The following CADM2 variants were observed in gnomAD, a reference collection of about 807,000 sequenced individuals.
CADM2 encodes immunoglobulin superfamily member 4D.
A neutral mutation model predicts 49.8 loss-of-function variants in CADM2; 12 were observed. The ratio of observed to expected loss-of-function variants is 0.24; its 90% CI spans 0.15 to 0.39. The LOEUF is 0.39. CADM2 is among the 10% of genes least tolerant of loss of function. The probability of loss-of-function intolerance (pLI) is 1.00; values close to 1 mark genes in which losing one functional copy is unlikely to be tolerated. For synonymous variants in CADM2, 214 were observed against 175.4 expected (o/e 1.22, Z -1.74); for missense variants, 378 against 492.3 (o/e 0.77, Z 2.20).
chr3:85,898,655 T>G (rs887093676), intron 5 of CADM2, among the ~76,000 whole-genome samples: 1 of 151,750 alleles, frequency 6.6e-6, no homozygotes, highest in African/African-American at 2.4e-5. Flanking sequence ...TCTGTTTTCT[T>G]GCTGAATAAT....
At chr3:85,586,177 A>T (rs1298566395) in intron 1 of CADM2, among the ~76,000 whole-genome samples, 1 of 152,120 alleles carries the variant, frequency 6.6e-6, no homozygotes, top group Non-Finnish European at 1.5e-5. Flanking sequence ...GTACCACAAC[A>T]GTCTGCTACA....
chr3:86,047,322 C>T (rs1243709988), intron 8 of CADM2, among the ~76,000 whole-genome samples: 1 of 152,062 alleles, frequency 6.6e-6, no homozygotes, highest in Non-Finnish European at 1.5e-5. Context: ...AGACATATTG[C>T]AATATGCCAC....
At position 85,577,024 on chromosome 3, in the gene CADM2, C is replaced by A. The variant is rs188123040; in HGVS notation, c.62-149498C>A. On this transcript the variant is annotated intron_variant, in intron 1 of 9. Transcript: ENST00000383699. ...GACAAAATTCTCCTGGATGTCAAGT[C>A]CGGAAAAATATTTGTCACTACTAAT... is the stretch of plus-strand genomic sequence containing the variant. 1.5e-3 allele frequency among the ~76,000 whole-genome samples: 229 copies of A among 152,046 alleles called. 1 individual carries two copies. The highest frequency in any genetic ancestry group is 5.0e-3 in the African/African-American group (209 of 41,472).
At position 85,886,173 on chromosome 3, in the gene CADM2, A is replaced by T; in HGVS notation, c.392-17A>T. 3 of 1,611,802 alleles carry T rather than the reference A, an allele frequency of 1.9e-6. No individual in the cohort carries two copies. The highest frequency in any genetic ancestry group is 2.5e-6 in the Non-Finnish European group (3 of 1,178,316). On this transcript the variant is annotated splice_polypyrimidine_tract_variant and intron_variant, in intron 4 of 9. Transcript: ENST00000383699. ...CCTGAAGATTGATGCTCACTTCATC[A>T]TTCGCTTAAATTTCAGGTGTTCCTG... is the stretch of plus-strand genomic sequence containing the variant.
chr3:85,748,181 C>T (rs2068696168), intron 2 of CADM2, among the ~76,000 whole-genome samples: 1 of 151,960 alleles, frequency 6.6e-6, no homozygotes, highest in African/African-American at 2.4e-5. Flanking sequence ...CTCTATCAAA[C>T]TCTCAGGAAC....
intron 1 of CADM2, among the ~76,000 whole-genome samples, chr3:85,566,057 A>G (rs1385377885): frequency 1.3e-5 from 2 of 152,110 alleles, no homozygotes; most frequent in South Asian, 2.1e-4. Flanking sequence ...TAAGTTATCA[A>G]TGCTCTTAGA....
rs940817144 is a variant in CADM2 at position 85,442,577 on chromosome 3, C to T, written c.62-283945C>T. On this transcript the variant is annotated intron_variant, in intron 1 of 9. Coordinates refer to ENST00000383699, the MANE Select transcript of CADM2 (RefSeq NM_001167675.2). ...AGTCCACATTCTATTTAAAATAATG[C>T]TTATATATGAGTATATATATATATA... is the stretch of plus-strand genomic sequence containing the variant. Among the ~76,000 whole-genome samples, 341 of 124,102 alleles carry T rather than the reference C, an allele frequency of 2.7e-3. 3 individuals are homozygous for T. Among genetic ancestry groups the T allele is most frequent in the African/African-American group, 0.012 (321 of 27,230 alleles). 81.4% of individuals were successfully genotyped at this position (124,102 alleles called of 152,430 possible). A position where few individuals can be genotyped will look rare whatever the true frequency, so the allele number is the denominator to read the frequency against.
chr3:85,938,119 A>G (rs990903137), intron 7 of CADM2, among the ~76,000 whole-genome samples: 3 of 152,050 alleles, frequency 2.0e-5, no homozygotes, highest in African/African-American at 7.2e-5. Flanking sequence ...AATCATCTTA[A>G]ATAAACTTCT....
At chr3:85,247,177 T>C (rs887398848) in intron 1 of CADM2, among the ~76,000 whole-genome samples, 1 of 152,070 alleles carries the variant, frequency 6.6e-6, no homozygotes, top group Non-Finnish European at 1.5e-5. Flanking sequence ...AAGGGCATAG[T>C]GTAGAACATT....
chr3:85,833,564 G>A (rs1025784041), intron 3 of CADM2, among the ~76,000 whole-genome samples: 3 of 151,492 alleles, frequency 2.0e-5, no homozygotes, highest in Non-Finnish European at 3.0e-5. Context: ...GTCTTGTGAG[G>A]TTGTGTGTTT....
Position 85,359,666 on chromosome 3 carries a change from A to ATATATATATATATATAT in CADM2, c.62-366855_62-366854insATATATATATATATATT. Among the ~76,000 whole-genome samples the ATATATATATATATATAT allele has an allele frequency of 3.3e-3, 88 of 26,540 alleles. 1 individual carries two copies. Among genetic ancestry groups the ATATATATATATATATAT allele is most frequent in the African/African-American group, 8.6e-3 (81 of 9,374 alleles). The allele number at this position is 26,540 out of a possible 152,430, so 17.4% of individuals were successfully genotyped here. A position where few individuals can be genotyped will look rare whatever the true frequency, so the allele number is the denominator to read the frequency against. On this transcript the variant is annotated intron_variant, in intron 1 of 9. Coordinates refer to ENST00000383699, the MANE Select transcript of CADM2 (RefSeq NM_001167675.2). ...TATATATATATATATATATATATAT[A>ATATATATATATATATAT]TTTTTTTTTTTGGTGGAGGGGAGAA...
In CADM2 at chr3:85,945,772, C is replaced by T. The variant is rs202065917; in HGVS notation, c.791+9915C>T. On this transcript the variant is annotated intron_variant, in intron 7 of 9. Coordinates refer to ENST00000383699, the MANE Select transcript of CADM2 (RefSeq NM_001167675.2). Reference sequence around the variant, plus strand: ...CTCAATAAATTAGGTATTGATGGGACGTATCTCAAAATAATAAGAGCTATT... The same window carrying T: ...CTCAATAAATTAGGTATTGATGGGATGTATCTCAAAATAATAAGAGCTATT... Among the ~76,000 whole-genome samples the T allele has an allele frequency of 7.4e-4, 113 of 152,062 alleles. No homozygotes were observed. The East Asian group carries it at 8.1e-3, about 11-fold the overall frequency.
At chr3:85,274,078 ACT>A (rs1164133913) in intron 1 of CADM2, among the ~76,000 whole-genome samples, 5 of 151,616 alleles carry the variant, frequency 3.3e-5, no homozygotes, top group Non-Finnish European at 7.4e-5. Context: ...TAGGAGAAAC[ACT>A]GAGAATTGCA....
intron 1 of CADM2, among the ~76,000 whole-genome samples, chr3:85,650,922 A>T (rs918135978): frequency 6.8e-6 from 1 of 146,786 alleles, no homozygotes; most frequent in Non-Finnish European, 1.5e-5. Flanking sequence ...TTTGCATACT[A>T]GATGCACAAA....
intron 2 of CADM2, chr3:85,801,053 T>C (rs1476401323): frequency 6.6e-6 from 1 of 152,220 alleles, no homozygotes; most frequent in African/African-American, 2.4e-5. Flanking sequence ...CTTGCTTACA[T>C]AATAATATTT....
intron 1 of CADM2, among the ~76,000 whole-genome samples, chr3:85,012,254 T>A (rs1232131602): frequency 6.6e-6 from 1 of 151,482 alleles, no homozygotes; most frequent in Non-Finnish European, 1.5e-5. Context: ...ATGGTGTATC[T>A]CATGCAGTAA....
intron 1 of CADM2, among the ~76,000 whole-genome samples, chr3:84,963,916 A>G (rs2030766359): frequency 6.6e-6 from 1 of 152,174 alleles, no homozygotes; most frequent in African/African-American, 2.4e-5. Context: ...GATTAACATA[A>G]ACTTTGGAAA....
intron 1 of CADM2, among the ~76,000 whole-genome samples, chr3:85,070,296 A>C (rs1363320047): frequency 6.6e-6 from 1 of 152,174 alleles, no homozygotes; most frequent in East Asian, 1.9e-4. Flanking sequence ...AATGTGAACA[A>C]ACTAGAGAAA....
chr3:85,730,952 A>G (rs1194459011), intron 2 of CADM2, among the ~76,000 whole-genome samples: 1 of 152,194 alleles, frequency 6.6e-6, no homozygotes, highest in African/African-American at 2.4e-5. Context: ...AAAAATTAAC[A>G]TAATTATTCT....
Sources: allele counts gnomAD v4.1 joint callset (sites outside exome capture counted in the v4.1 genomes callset), GRCh38; gene constraint gnomAD v4.1.1; transcripts MANE v1.5; gene names NCBI Gene and HGNC (gene_info 2026-07-23, HGNC 2026-07-21).